Variants in GABRG3 observed in about 807,000 individuals in gnomAD.
The protein encoded by GABRG3 is gamma-aminobutyric acid type A receptor subunit gamma3.
Under a neutral mutation model 48.8 loss-of-function variants are expected in GABRG3, and 25 were observed. That is an observed-to-expected ratio of 0.51 (90% CI 0.37 to 0.72). The LOEUF is 0.72. GABRG3 is among the 30% of genes least tolerant of loss of function. GABRG3 has a pLI of 0.00. For synonymous variants in GABRG3, 227 were observed against 217.6 expected (o/e 1.04, Z -0.38); for missense variants, 394 against 577.9 (o/e 0.68, Z 3.26).
intron 3 of GABRG3, among the ~76,000 whole-genome samples, chr15:27,078,895 G>T (rs547683386): frequency 1.3e-5 from 2 of 152,182 alleles, no homozygotes; most frequent in African/African-American, 4.8e-5. Flanking sequence ...TACTTAAGAT[G>T]AGGTCACACA....
chr15:27,404,143 C>G (rs1490752270), intron 5 of GABRG3, among the ~76,000 whole-genome samples: 1 of 152,116 alleles, frequency 6.6e-6, no homozygotes, highest in Non-Finnish European at 1.5e-5. Context: ...ATGGCACGAA[C>G]CCGGGAGGCG....
chr15:27,035,771 T>A (rs374804677), intron 3 of GABRG3, among the ~76,000 whole-genome samples: 7 of 152,164 alleles, frequency 4.6e-5, no homozygotes, highest in Admixed American at 4.6e-4. Context: ...TGGTGGGTGC[T>A]GATGTGCATC....
At chr15:27,407,186 A>G (rs182532796) in intron 5 of GABRG3, among the ~76,000 whole-genome samples, 1 of 152,124 alleles carries the variant, frequency 6.6e-6, no homozygotes, top group African/African-American at 2.4e-5. Context: ...TTGGCCTCCC[A>G]AATTGCTGAG....
chr15:27,228,327 G>C (rs559751750), intron 3 of GABRG3, among the ~76,000 whole-genome samples: 1 of 152,258 alleles, frequency 6.6e-6, no homozygotes, highest in Admixed American at 6.5e-5. Flanking sequence ...CTGGTTTTCT[G>C]TTCCTGTGCT....
Position 27,280,752 on chromosome 15 carries a change from G to T in GABRG3, c.271-46057G>T, listed in dbSNP as rs148196403. Among the ~76,000 whole-genome samples, 866 of 152,160 alleles carry T rather than the reference G, an allele frequency of 5.7e-3. 5 individuals carry two copies. Among genetic ancestry groups the T allele is most frequent in the African/African-American group, 0.02 (816 of 41,524 alleles). ...AGGTTTGTTTTAGTGTCTAGGATACGGTTTATGTGGGTAAATGTTTGATGA... is the reference window on the plus strand; with the variant it reads ...AGGTTTGTTTTAGTGTCTAGGATACTGTTTATGTGGGTAAATGTTTGATGA... On this transcript the variant is annotated intron_variant, in intron 3 of 9. Coordinates refer to ENST00000615808, the MANE Select transcript of GABRG3 (RefSeq NM_033223.5).
At chr15:27,414,796 A>G (rs1413687297) in intron 5 of GABRG3, among the ~76,000 whole-genome samples, 1 of 151,788 alleles carries the variant, frequency 6.6e-6, no homozygotes, top group Non-Finnish European at 1.5e-5. Context: ...CTTTATCGTC[A>G]TTTTCCTGCC....
intron 3 of GABRG3, among the ~76,000 whole-genome samples, chr15:27,142,073 C>T (rs1375951445): frequency 6.6e-6 from 1 of 152,124 alleles, no homozygotes; most frequent in Non-Finnish European, 1.5e-5. Context: ...CAGATGTCCT[C>T]TTTTTAATTT....
intron 5 of GABRG3, among the ~76,000 whole-genome samples, chr15:27,332,169 A>G (rs767716994): frequency 3.3e-5 from 5 of 152,200 alleles, no homozygotes; most frequent in South Asian, 2.1e-4. Flanking sequence ...TTGTTTCCAC[A>G]TGATGGGTGT....
chr15:27,295,191 A>C (rs1184790025), intron 3 of GABRG3: 1 of 152,212 alleles, frequency 6.6e-6, no homozygotes, highest in Non-Finnish European at 1.5e-5. Context: ...ACCCAAAGTG[A>C]GGCAGAGTAA....
intron 3 of GABRG3, among the ~76,000 whole-genome samples, chr15:27,166,626 C>T (rs1887383025): frequency 6.6e-6 from 1 of 152,150 alleles, no homozygotes; most frequent in Admixed American, 6.5e-5. Context: ...CCAGCAGGCA[C>T]CAGCCACACC....
intron 3 of GABRG3, among the ~76,000 whole-genome samples, chr15:27,277,682 T>G (rs1891300012): frequency 6.6e-6 from 1 of 152,178 alleles, no homozygotes; most frequent in Admixed American, 6.5e-5. Flanking sequence ...ATTCTCTGCT[T>G]CACAACAGTA....
intron 6 of GABRG3, among the ~76,000 whole-genome samples, chr15:27,492,167 A>C (rs1890372248): frequency 6.6e-6 from 1 of 152,146 alleles, no homozygotes; most frequent in East Asian, 1.9e-4. Context: ...GTCTCTTTTT[A>C]AAAAGTAGCT....
chr15:27,426,352 T>G (rs1006484982), intron 5 of GABRG3, among the ~76,000 whole-genome samples: 22 of 152,322 alleles, frequency 1.4e-4, no homozygotes, highest in African/African-American at 5.1e-4. Flanking sequence ...AAAAAAGAGT[T>G]AGTTATTTTA....
At chr15:27,395,899 C>T (rs559813280) in intron 5 of GABRG3, among the ~76,000 whole-genome samples, 122 of 152,208 alleles carry the variant, frequency 8.0e-4, no homozygotes, top group Non-Finnish European at 1.3e-3. Flanking sequence ...CTCACTGTGT[C>T]ACCCAGGCTG....
At chr15:27,427,589 G>A (rs558371585) in intron 5 of GABRG3, among the ~76,000 whole-genome samples, 1 of 152,174 alleles carries the variant, frequency 6.6e-6, no homozygotes, top group Non-Finnish European at 1.5e-5. Flanking sequence ...TACTAGGCAT[G>A]TGGCAAGCAG....
At chr15:27,464,600 C>G (rs1481194641) in intron 5 of GABRG3, among the ~76,000 whole-genome samples, 1 of 152,166 alleles carries the variant, frequency 6.6e-6, no homozygotes, top group Non-Finnish European at 1.5e-5. Context: ...TATGAGGGTT[C>G]TAATTTTCCC....
chr15:27,524,301 G>A (rs2150863714), intron 7 of GABRG3, among the ~76,000 whole-genome samples: 1 of 152,122 alleles, frequency 6.6e-6, no homozygotes, highest in African/African-American at 2.4e-5. Flanking sequence ...AAGAATAAAG[G>A]AGAAATCCAT....
intron 3 of GABRG3, among the ~76,000 whole-genome samples, chr15:27,079,045 G>T (rs1446359436): frequency 6.6e-6 from 1 of 152,142 alleles, no homozygotes; most frequent in Non-Finnish European, 1.5e-5. Context: ...GCCAAGAAGT[G>T]CAAGGATTGC....
chr15:26,985,737 C>T (rs995777880), intron 2 of GABRG3, among the ~76,000 whole-genome samples: 1 of 152,062 alleles, frequency 6.6e-6, no homozygotes, highest in South Asian at 2.1e-4. Flanking sequence ...TGTTGGAACG[C>T]CCTGTTTAAG....
Sources: allele counts gnomAD v4.1 joint callset (sites outside exome capture counted in the v4.1 genomes callset), GRCh38; gene constraint gnomAD v4.1.1; transcripts MANE v1.5; gene names NCBI Gene and HGNC (gene_info 2026-07-23, HGNC 2026-07-21).